Variants in HEATR6 observed in about 807,000 individuals in gnomAD.
The protein encoded by HEATR6 is HEAT repeat-containing protein 6.
In HEATR6, 106 loss-of-function variants were observed where a neutral mutation model predicts 132.8. The observed-to-expected ratio is 0.80, with a 90% CI of 0.68 to 0.94. The LOEUF (loss-of-function observed/expected upper bound fraction) is 0.94, where lower values mean the gene tolerates loss of function less well. Ranked by LOEUF, HEATR6 falls within the 40% of genes least tolerant of loss-of-function variation. HEATR6 has a pLI of 0.00. For missense variants in HEATR6, 1,339 were observed against 1,425.1 expected, an observed-to-expected ratio of 0.94 and a Z score of 0.97; for synonymous variants, 529 against 537.8, an observed-to-expected ratio of 0.98 and a Z score of 0.23.
chr17:60,070,578 C>T, intron 6 of HEATR6, 128 bp downstream of exon 6: 1 of 485,492 alleles, frequency 2.1e-6, no homozygotes, highest in Middle Eastern at 2.9e-4. Context: ...ACATTTTTGT[C>T]TACTCTCTCA....
intron 9 of HEATR6, chr17:60,064,901 A>G (rs542442896): frequency 6.6e-6 from 1 of 152,054 alleles, no homozygotes; most frequent in East Asian, 1.9e-4. Flanking sequence ...CCTGTTCTAA[A>G]CCCCCGTGTC....
intron 7 of HEATR6, 103 bp from the exon 8 acceptor site, chr17:60,067,835 C>T: frequency 3.3e-6 from 3 of 906,692 alleles, no homozygotes; most frequent in South Asian, 3.6e-5. Flanking sequence ...ATGTCCCCAA[C>T]ATGTAGTTTA....
Position 60,051,951 on chromosome 17 carries a change from T to C in HEATR6, c.2290-974A>G, listed in dbSNP as rs1906589965. ...TAGTCCCCTCCCATACTGAACAGGC[T>C]GACCTGTGTAACCAATAGGATTGTT... On this transcript the variant is annotated intron_variant, in intron 14 of 19. Transcript: ENST00000184956. Among the ~76,000 whole-genome samples, 3 of 152,232 alleles carry C rather than the reference T, an allele frequency of 2.0e-5. No individual in the cohort carries two copies. In the South Asian group the frequency reaches 6.2e-4, roughly 32 times the overall value.
chr17:60,074,964 A>G (rs1041487227), intron 2 of HEATR6, among the ~76,000 whole-genome samples: 1 of 152,184 alleles, frequency 6.6e-6, no homozygotes, highest in Admixed American at 6.6e-5. Flanking sequence ...CCTCCAAGTG[A>G]TTCTAATGTG....
intron 9 of HEATR6, chr17:60,063,858 C>G (rs1172439036): frequency 6.6e-6 from 1 of 152,204 alleles, no homozygotes; most frequent in East Asian, 1.9e-4. Context: ...AGCCATCTAA[C>G]TCTATATGCA....
rs200645690 is a variant in HEATR6 at position 60,066,420 on chromosome 17, TA to T, written c.1239-35del. 2,747 of 1,465,570 alleles carry T rather than the reference TA, an allele frequency of 1.9e-3. 65 individuals carry two copies. In the Admixed American group the frequency reaches 0.051, roughly 27 times the overall value. The allele number at this position is 1,465,570 out of a possible 1,614,324, so 90.8% of individuals were successfully genotyped here. On this transcript the variant is annotated intron_variant, in intron 8 of 19. Transcript: ENST00000184956. ...ACCAAGAGAAAAAAGAAAAAACACT[TA>T]AAAAATCATTTTTTTAAAAAAAATG... is the stretch of plus-strand genomic sequence containing the variant.
intron 7 of HEATR6, among the ~76,000 whole-genome samples, chr17:60,068,134 T>TA (rs1262636442): frequency 2.6e-5 from 4 of 152,224 alleles, no homozygotes; most frequent in Non-Finnish European, 5.9e-5. Flanking sequence ...TCAAGAGCAT[T>TA]AAAGCCTATA....
intron 4 of HEATR6, among the ~76,000 whole-genome samples, chr17:60,072,587 G>T (rs530128156): frequency 2.3e-3 from 356 of 152,274 alleles, no homozygotes; most frequent in Non-Finnish European, 4.0e-3. Context: ...TATGGAGAAA[G>T]AAAAATCTTG....
intron 15 of HEATR6, 63 bp downstream of exon 15, chr17:60,050,780 C>A: frequency 6.3e-7 from 1 of 1,589,782 alleles, no homozygotes; most frequent in South Asian, 1.1e-5. Flanking sequence ...AATGCAAAAG[C>A]ATCAAATTCT....
chr17:60,047,775 C>T (rs1906421378), intron 17 of HEATR6, among the ~76,000 whole-genome samples: 1 of 152,156 alleles, frequency 6.6e-6, no homozygotes, highest in African/African-American at 2.4e-5. Context: ...AATGCTTACA[C>T]ATTTTACATG....
rs1568618724 is a variant in HEATR6, at chr17:60,056,221, G to T, written c.2096C>A (p.Ala699Glu). 6.2e-7 allele frequency: 1 copy of T among 1,613,780 alleles called. No individual in the cohort carries two copies. Among genetic ancestry groups the T allele is most frequent in the Non-Finnish European group, 8.5e-7 (1 of 1,179,862 alleles). ...LEALQVLTLLARGYFSMTQAY... is the reference protein window; with the variant it reads ...LEALQVLTLLERGYFSMTQAY... ...TTGAGTCATTGAAAAGTAGCCCCTTGCCAGAAGAGTCAATACCTGCAAAGA... is the reference window on the plus strand; with the variant it reads ...TTGAGTCATTGAAAAGTAGCCCCTTTCCAGAAGAGTCAATACCTGCAAAGA... The change falls in exon 13 of 20, where the codon GCA becomes GAA. Residue 699 changes from alanine (A) to glutamate (E), a missense_variant. Transcript: ENST00000184956.
intron 16 of HEATR6, among the ~76,000 whole-genome samples, chr17:60,049,122 AGTGTGTGTGT>A (rs531092208): frequency 1.5e-3 from 201 of 134,846 alleles, no homozygotes; most frequent in South Asian, 1.4e-3. Flanking sequence ...AGAGACAGAG[AGTGTGTGTGT>A]GTGTGTGTGT....
At chr17:60,044,566 A>T (rs62083694) in intron 19 of HEATR6, among the ~76,000 whole-genome samples, 295 of 152,352 alleles carry the variant, frequency 1.9e-3, no homozygotes, top group South Asian at 8.3e-3. Flanking sequence ...AACAGCATCC[A>T]GACACTGCTC....
At chr17:60,072,977 C>T (rs2083277414) in intron 4 of HEATR6, among the ~76,000 whole-genome samples, 187 bp downstream of exon 4, 1 of 152,048 alleles carries the variant, frequency 6.6e-6, no homozygotes, top group Admixed American at 6.6e-5. Flanking sequence ...CTATTTTTTC[C>T]TTCTTTACAA....
intron 8 of HEATR6, 153 bp from the exon 9 acceptor site, chr17:60,066,539 T>G (rs1285274022): frequency 1.6e-6 from 1 of 632,392 alleles, no homozygotes; most frequent in African/African-American, 1.9e-5. Context: ...AATGTGTTAT[T>G]AAAAATTTTT....
In HEATR6 at chr17:60,055,509, A is replaced by G; in HGVS notation, c.2289+6T>C. 6.3e-7 allele frequency: 1 copy of G among 1,591,606 alleles called. No homozygotes were observed. Among genetic ancestry groups the G allele is most frequent in the Non-Finnish European group, 8.6e-7 (1 of 1,166,718 alleles). On this transcript the variant is annotated splice_donor_region_variant and intron_variant, in intron 14 of 19. Coordinates refer to ENST00000184956, the MANE Select transcript of HEATR6 (RefSeq NM_022070.5). ...AAAAGAAAACTATGAATTGACATTTATTTACCAAGAAGACTGGTGCTCTCT... is the reference window on the plus strand; with the variant it reads ...AAAAGAAAACTATGAATTGACATTTGTTTACCAAGAAGACTGGTGCTCTCT...
At chr17:60,055,622 C>T (rs574082421) in intron 13 of HEATR6, 21 bp from the exon 14 acceptor site, 39 of 1,565,614 alleles carry the variant, frequency 2.5e-5, no homozygotes, top group East Asian at 1.8e-4. Flanking sequence ...AAAGAATTAC[C>T]GAAGTGGAGC....
intron 7 of HEATR6, 35 bp downstream of exon 7, chr17:60,069,676 A>T (rs2083260907): frequency 6.3e-7 from 1 of 1,595,576 alleles, no homozygotes; most frequent in African/African-American, 1.3e-5. Flanking sequence ...ATTAAAAATA[A>T]GCCACAACTT....
intron 18 of HEATR6, 69 bp downstream of exon 18, chr17:60,047,240 A>T: frequency 1.0e-6 from 1 of 985,222 alleles, no homozygotes; most frequent in Non-Finnish European, 1.6e-6. Context: ...GCCACACTGA[A>T]CTACCACACT....
Sources: gnomAD v4.1 joint callset for allele counts (sites outside exome capture counted in the v4.1 genomes callset) on GRCh38, gnomAD v4.1.1 for gene constraint, MANE v1.5 for transcripts, NCBI Gene and HGNC (gene_info 2026-07-23, HGNC 2026-07-21) for gene names.